Variants in TNIK observed in about 807,000 individuals in gnomAD.
TNIK encodes the protein TRAF2 and NCK-interacting protein kinase.
Under a neutral mutation model 191.3 loss-of-function variants are expected in TNIK, and 49 were observed. The observed-to-expected ratio is 0.26, with a 90% CI of 0.20 to 0.32. The LOEUF (loss-of-function observed/expected upper bound fraction) is 0.32. Among genes scored for constraint, TNIK ranks in the 10% least tolerant of loss-of-function variants. The pLI is 1.00. For synonymous variants in TNIK, 594 were observed against 600.9 expected, an observed-to-expected ratio of 0.99 and a Z score of 0.17; for missense variants, 1,155 against 1,702.3, an observed-to-expected ratio of 0.68 and a Z score of 5.66.
intron 28 of TNIK, among the ~76,000 whole-genome samples, chr3:171,073,020 G>A (rs1560071979): frequency 6.6e-6 from 1 of 151,902 alleles, no homozygotes; most frequent in South Asian, 2.1e-4. Context: ...AATTGCCAAT[G>A]TTGTTTTTTA....
At chr3:171,453,373 C>T (rs539941332) in intron 1 of TNIK, among the ~76,000 whole-genome samples, 7 of 152,188 alleles carry the variant, frequency 4.6e-5, no homozygotes, top group South Asian at 4.2e-4. Flanking sequence ...TGCGAATGTT[C>T]AGCGTTGGGG....
chr3:171,440,292 G>A (rs1726621565), intron 1 of TNIK, among the ~76,000 whole-genome samples: 1 of 152,092 alleles, frequency 6.6e-6, no homozygotes, highest in African/African-American at 2.4e-5. Flanking sequence ...AACAGTAACA[G>A]TAAACATAGG....
intron 4 of TNIK, among the ~76,000 whole-genome samples, chr3:171,195,499 C>T (rs1313988024): frequency 1.3e-5 from 2 of 152,084 alleles, no homozygotes; most frequent in Non-Finnish European, 2.9e-5. Flanking sequence ...AGAGACAGAA[C>T]TAAAATGGAG....
rs74953750 is a variant in TNIK at position 171,305,259 on chromosome 3, C to T, written c.123+64361G>A. Among the ~76,000 whole-genome samples the T allele has an allele frequency of 6.8e-3, 1,039 of 152,142 alleles. 6 individuals carry two copies. The highest frequency in any genetic ancestry group is 0.012 in the Non-Finnish European group (795 of 68,006). ...AACCAGACCACTGAGGAAAAGGCTACAATGAGTGCAGGAACATTTGAGGAC... is the reference window on the plus strand; with the variant it reads ...AACCAGACCACTGAGGAAAAGGCTATAATGAGTGCAGGAACATTTGAGGAC... On this transcript the variant is annotated intron_variant, in intron 2 of 32. Transcript: ENST00000436636.
chr3:171,150,335 T>G (rs556935991), intron 12 of TNIK, among the ~76,000 whole-genome samples: 2 of 152,302 alleles, frequency 1.3e-5, no homozygotes, highest in African/African-American at 4.8e-5. Flanking sequence ...AAGTCATGTC[T>G]TGCTCAAAAT....
chr3:171,214,329 G>A (rs2108926344), intron 3 of TNIK, among the ~76,000 whole-genome samples: 1 of 152,144 alleles, frequency 6.6e-6, no homozygotes, highest in African/African-American at 2.4e-5. Context: ...TGCAAAGAGA[G>A]CAAGGGAGGC....
intron 2 of TNIK, among the ~76,000 whole-genome samples, chr3:171,335,027 CA>C (rs371457413): frequency 0.054 from 6,220 of 114,566 alleles, 291 homozygotes; most frequent in African/African-American, 0.14. Flanking sequence ...CCCCAACTGC[CA>C]AAAAAAAAAA....
chr3:171,274,898 C>T (rs1199574279), intron 2 of TNIK, among the ~76,000 whole-genome samples: 2 of 152,108 alleles, frequency 1.3e-5, no homozygotes, highest in African/African-American at 4.8e-5. Context: ...ATGGGCAGGA[C>T]CCAATTAATC....
intron 27 of TNIK, 82 bp from the exon 28 acceptor site, chr3:171,079,734 T>C: frequency 6.9e-7 from 1 of 1,448,494 alleles, no homozygotes; most frequent in Non-Finnish European, 9.2e-7. Flanking sequence ...TATTTCTAAT[T>C]TATTTTATTT....
At chr3:171,415,973 C>CAAAAAAAAAAAAAAAAAAA (rs769531813) in intron 1 of TNIK, among the ~76,000 whole-genome samples, 6 of 12,576 alleles carry the variant, frequency 4.8e-4, no homozygotes, top group Admixed American at 1.2e-3. Context: ...GAGACTGTCT[C>CAAAAAAAAAAAAAAAAAAA]AAAAAAAAAA....
chr3:171,211,010 G>A, intron 4 of TNIK, 106 bp downstream of exon 4: 2 of 1,426,624 alleles, frequency 1.4e-6, no homozygotes, highest in Non-Finnish European at 9.5e-7. Flanking sequence ...GGGGCTAATG[G>A]TTAAAGAAGG....
chr3:171,338,113 C>T (rs993897156), intron 2 of TNIK, among the ~76,000 whole-genome samples: 2 of 152,124 alleles, frequency 1.3e-5, no homozygotes, highest in African/African-American at 4.8e-5. Context: ...ATGTGGATTG[C>T]GGGAAGATAT....
At chr3:171,121,927 G>A (rs1411058988) in intron 18 of TNIK, among the ~76,000 whole-genome samples, 1 of 151,902 alleles carries the variant, frequency 6.6e-6, no homozygotes, top group East Asian at 1.9e-4. Flanking sequence ...AAGGAACTAT[G>A]ACCTCTTAAC....
chr3:171,413,587 C>G (rs1046712514), intron 1 of TNIK, among the ~76,000 whole-genome samples: 1 of 152,204 alleles, frequency 6.6e-6, no homozygotes, highest in Non-Finnish European at 1.5e-5. Flanking sequence ...CCTCTTCCAG[C>G]AGACCTCCCA....
intron 4 of TNIK, among the ~76,000 whole-genome samples, chr3:171,198,034 A>G (rs1276029498): frequency 1.3e-5 from 2 of 152,240 alleles, no homozygotes; most frequent in African/African-American, 4.8e-5. Context: ...CAACAGAAGA[A>G]CAGGTACACA....
intron 23 of TNIK, among the ~76,000 whole-genome samples, chr3:171,091,227 A>G (rs1419086170): frequency 6.6e-6 from 1 of 152,202 alleles, no homozygotes; most frequent in African/African-American, 2.4e-5. Context: ...TGGGATGGGC[A>G]TCATCTAATC....
intron 1 of TNIK, among the ~76,000 whole-genome samples, chr3:171,382,999 G>A (rs1312689677): frequency 6.6e-6 from 1 of 152,064 alleles, no homozygotes; most frequent in African/African-American, 2.4e-5. Context: ...ATTATGCAGG[G>A]TATTTTGCAA....
rs1012160562 is a variant in TNIK, at chr3:171,205,909, C to T, written c.306+5207G>A. ...ATCCCATTTATAAGGGCTCCACCCT[C>T]ATCACCTGATCACCTGCCAAAGGCC... On this transcript the variant is annotated intron_variant, in intron 4 of 32. Transcript: ENST00000436636. Among the ~76,000 whole-genome samples the T allele has an allele frequency of 3.3e-5, 5 of 152,206 alleles. No homozygotes were observed. The South Asian group carries it at 6.2e-4, about 19-fold the overall frequency.
intron 1 of TNIK, among the ~76,000 whole-genome samples, chr3:171,437,218 A>G (rs1261176307): frequency 6.6e-6 from 1 of 152,226 alleles, no homozygotes; most frequent in Non-Finnish European, 1.5e-5. Context: ...TGTAAAGGAA[A>G]AAAGCACCCA....
Sources: allele counts gnomAD v4.1 joint callset (sites outside exome capture counted in the v4.1 genomes callset), GRCh38; gene constraint gnomAD v4.1.1; transcripts MANE v1.5; gene names NCBI Gene and HGNC (gene_info 2026-07-23, HGNC 2026-07-21).